RANBP2: variants seen among roughly 807,000 people sequenced by gnomAD.
RANBP2 encodes the protein RAN binding protein 2.
Under a neutral mutation model 303.6 loss-of-function variants are expected in RANBP2, and 57 were observed. That is an observed-to-expected ratio of 0.19 (90% CI 0.15 to 0.23). The LOEUF is 0.23. RANBP2 is among the 10% of genes least tolerant of loss of function. RANBP2 has a pLI of 1.00. For synonymous variants in RANBP2, 1,167 were observed against 1,301.5 expected, an observed-to-expected ratio of 0.90 and a Z score of 2.23; for missense variants, 3,138 against 3,780.8, an observed-to-expected ratio of 0.83 and a Z score of 4.46.
At chr2:109,431,063 G>A in the RANBP2 span, among the ~76,000 whole-genome samples, 2 of 152,342 alleles carry the variant, frequency 1.3e-5, no homozygotes, top group South Asian at 4.1e-4. Flanking sequence ...TGCTATTCCA[G>A]AATATTCCAC....
intron 28 of RANBP2, among the ~76,000 whole-genome samples, 157 bp downstream of exon 28, chr2:108,783,019 C>T (rs1207117406): frequency 2.6e-5 from 4 of 152,008 alleles, no homozygotes; most frequent in African/African-American, 9.7e-5. Context: ...CTACCCATTC[C>T]CTGCTCCTGC....
the RANBP2 span, among the ~76,000 whole-genome samples, chr2:109,201,509 C>G: frequency 1.3e-5 from 2 of 152,184 alleles, no homozygotes; most frequent in African/African-American, 4.8e-5. Context: ...CCCAGGCCAC[C>G]CTTGCTGTCT....
the RANBP2 span, among the ~76,000 whole-genome samples, chr2:109,414,450 G>T: frequency 6.6e-6 from 1 of 152,044 alleles, no homozygotes; most frequent in East Asian, 1.9e-4. Flanking sequence ...GGTAAACCTG[G>T]CCCCTGTTAC....
chr2:109,644,722 C>T, the RANBP2 span, among the ~76,000 whole-genome samples: 5 of 152,154 alleles, frequency 3.3e-5, no homozygotes, highest in Admixed American at 1.3e-4. Flanking sequence ...TGGATGAGGC[C>T]GCTGGGACTG....
At chr2:109,146,079 GAGGTACC>G in the RANBP2 span, among the ~76,000 whole-genome samples, 2 of 149,450 alleles carry the variant, frequency 1.3e-5, no homozygotes, top group African/African-American at 5.1e-5. Flanking sequence ...AGTGCTGAGA[GAGGTACC>G]AGCTGAACAG....
At chr2:109,559,772 G>C in the RANBP2 span, among the ~76,000 whole-genome samples, 1 of 152,120 alleles carries the variant, frequency 6.6e-6, no homozygotes, top group African/African-American at 2.4e-5. Flanking sequence ...TATGAATTGT[G>C]AGCAGTGAAC....
chr2:109,681,846 C>T, the RANBP2 span, among the ~76,000 whole-genome samples: 12 of 152,386 alleles, frequency 7.9e-5, no homozygotes, highest in South Asian at 1.4e-3. Context: ...AGGCTCTTCC[C>T]GCTCAGCGGA....
chr2:109,440,088 C>T, the RANBP2 span, among the ~76,000 whole-genome samples: 1 of 152,158 alleles, frequency 6.6e-6, no homozygotes, highest in Non-Finnish European at 1.5e-5. Context: ...TGAGCAATGG[C>T]CTGGCAATGA....
the RANBP2 span, among the ~76,000 whole-genome samples, chr2:109,491,831 GA>G: frequency 6.6e-6 from 1 of 152,198 alleles, no homozygotes; most frequent in Non-Finnish European, 1.5e-5. Flanking sequence ...GTTTCTGCCA[GA>G]ACCTTTCCTC....
the RANBP2 span, among the ~76,000 whole-genome samples, chr2:108,814,779 G>A: frequency 2.0e-5 from 3 of 151,276 alleles, no homozygotes; most frequent in East Asian, 5.8e-4. Flanking sequence ...GGGATTACAG[G>A]CGCCCACCAC....
At chr2:108,840,233 CAA>C in the RANBP2 span, among the ~76,000 whole-genome samples, 3 of 152,168 alleles carry the variant, frequency 2.0e-5, no homozygotes, top group Admixed American at 1.3e-4. Flanking sequence ...TTTATATTAA[CAA>C]ATTCTATTTG....
At chr2:109,178,142 T>A in the RANBP2 span, among the ~76,000 whole-genome samples, 1 of 152,228 alleles carries the variant, frequency 6.6e-6, no homozygotes, top group African/African-American at 2.4e-5. Flanking sequence ...ACAACAAACC[T>A]ACCCTTTCTT....
chr2:109,405,650 C>T, the RANBP2 span, among the ~76,000 whole-genome samples: 3 of 152,238 alleles, frequency 2.0e-5, no homozygotes, highest in African/African-American at 4.8e-5. Flanking sequence ...GGCTCCTGCC[C>T]GCCCTTCCAG....
At chr2:108,729,445 T>C (rs1694994377) in intron 2 of RANBP2, among the ~76,000 whole-genome samples, 1 of 152,224 alleles carries the variant, frequency 6.6e-6, no homozygotes, top group African/African-American at 2.4e-5. Context: ...TCAAATACTT[T>C]TTCTAAAAAT....
At chr2:109,224,961 A>G in the RANBP2 span, among the ~76,000 whole-genome samples, 1 of 152,164 alleles carries the variant, frequency 6.6e-6, no homozygotes, top group African/African-American at 2.4e-5. Context: ...CTGCAGCATA[A>G]CCTTATCTTT....
chr2:109,589,960 T>A, the RANBP2 span, among the ~76,000 whole-genome samples: 1 of 151,950 alleles, frequency 6.6e-6, no homozygotes, highest in Non-Finnish European at 1.5e-5. Flanking sequence ...ATTTATTTAC[T>A]GAGGTCAGAG....
the RANBP2 span, among the ~76,000 whole-genome samples, chr2:108,984,869 G>T: frequency 1.3e-5 from 2 of 152,162 alleles, no homozygotes; most frequent in South Asian, 4.1e-4. Context: ...CTGAATGAAT[G>T]AATGTGCACT....
the RANBP2 span, among the ~76,000 whole-genome samples, chr2:109,535,460 T>C: frequency 3.3e-5 from 5 of 152,280 alleles, no homozygotes; most frequent in African/African-American, 9.6e-5. Flanking sequence ...GGCTGTAGCT[T>C]GGTGTCCTGT....
the RANBP2 span, among the ~76,000 whole-genome samples, chr2:109,286,391 C>G: frequency 6.6e-6 from 1 of 152,190 alleles, no homozygotes; most frequent in Non-Finnish European, 1.5e-5. Context: ...CAAAGGCAAG[C>G]AGGAACCTGG....
Sources: gnomAD v4.1 joint callset for allele counts (sites outside exome capture counted in the v4.1 genomes callset) on GRCh38, gnomAD v4.1.1 for gene constraint, MANE v1.5 for transcripts, NCBI Gene and HGNC (gene_info 2026-07-23, HGNC 2026-07-21) for gene names.